The following TBX18 variants were observed in gnomAD, a reference collection of about 807,000 sequenced individuals.
The protein encoded by TBX18 is T-box transcription factor 18, also known as T-box transcription factor TBX18.
A neutral mutation model predicts 55.0 loss-of-function variants in TBX18; 21 were observed. The observed-to-expected ratio is 0.38, with a 90% CI of 0.27 to 0.55. The LOEUF (loss-of-function observed/expected upper bound fraction) is 0.55. TBX18 is among the 20% of genes least tolerant of loss of function. The pLI is 0.73. For synonymous variants in TBX18, 342 were observed against 326.1 expected (o/e 1.05, Z -0.53); for missense variants, 840 against 799.6 (o/e 1.05, Z -0.61).
chr6:84,736,650 G>A lies in TBX18; in HGVS notation c.*35C>T. 6.7e-7 allele frequency: 1 copy of A among 1,492,276 alleles called. No homozygotes were observed. The highest frequency in any genetic ancestry group is 8.9e-7 in the Non-Finnish European group (1 of 1,122,102). 92.4% of individuals were successfully genotyped at this position (1,492,276 alleles called of 1,614,324 possible). ...TAAAAAAGAAAAAGAAAATATGTTAGACAGATCCAAATGTCATTTAACTTA... is the reference window on the plus strand; with the variant it reads ...TAAAAAAGAAAAAGAAAATATGTTAAACAGATCCAAATGTCATTTAACTTA... On this transcript the variant is annotated 3_prime_UTR_variant, in exon 8 of 8. Transcript: ENST00000369663.
At chr6:84,744,069 A>G (rs1197376807) in intron 6 of TBX18, among the ~76,000 whole-genome samples, 192 bp downstream of exon 6, 1 of 152,214 alleles carries the variant, frequency 6.6e-6, no homozygotes, top group Non-Finnish European at 1.5e-5. Context: ...AGCAGCGCAC[A>G]TGAACATTCA....
At chr6:84,761,773 C>T (rs1479352960) in intron 2 of TBX18, among the ~76,000 whole-genome samples, 1 of 152,122 alleles carries the variant, frequency 6.6e-6, no homozygotes, top group African/African-American at 2.4e-5. Flanking sequence ...ATTTTACTAA[C>T]CAATGGATGG....
intron 5 of TBX18, among the ~76,000 whole-genome samples, chr6:84,746,496 T>C (rs931808898): frequency 2.1e-4 from 31 of 146,720 alleles, no homozygotes; most frequent in Admixed American, 8.2e-4. Context: ...ATTTATATAT[T>C]TATATTGATA....
intron 4 of TBX18, among the ~76,000 whole-genome samples, chr6:84,753,722 A>G (rs910796607): frequency 2.0e-5 from 3 of 152,230 alleles, no homozygotes; most frequent in African/African-American, 7.2e-5. Context: ...AATTCCTAAT[A>G]TTTAATCTAG....
Position 84,748,020 on chromosome 6 carries a change from T to A in TBX18, c.839A>T (p.Asp280Val). 1.2e-6 allele frequency: 2 copies of A among 1,613,568 alleles called. No homozygotes were observed. Among genetic ancestry groups the A allele is most frequent in the Admixed American group, 1.7e-5 (1 of 59,992 alleles). ...TGGAACAGGCTTGATGGGAGAAAGATCGTCTCCACAGTCTTTACGGATGAC... is the reference window on the plus strand; with the variant it reads ...TGGAACAGGCTTGATGGGAGAAAGAACGTCTCCACAGTCTTTACGGATGAC... ...VHVIRKDCGD[D>V]LSPIKPVPSG... is the part of the protein sequence containing the mutation. Residue 280 changes from aspartate (D) to valine (V), a missense_variant, in exon 5 of 8, where the codon GAT becomes GTT. Physicochemically the swap from Asp to Val is radical, Grantham distance 152 (BLOSUM62 -3). Transcript: ENST00000369663.
At position 84,756,812 on chromosome 6, in the gene TBX18, T is replaced by C; in HGVS notation, c.657A>G (p.Pro219=). 6.2e-7 allele frequency: 1 copy of C among 1,614,046 alleles called. No homozygotes were observed. The highest frequency in any genetic ancestry group is 8.5e-7 in the Non-Finnish European group (1 of 1,180,006). Residue 219 remains proline (P), a synonymous_variant, in exon 4 of 8, where the codon CCA becomes CCG. Transcript: ENST00000369663. ...MVAGNADSPV[P]PRVYIHPDSP... ...AGTCTGGATGAATGTACACACGGGG[T>C]GGCACAGGCGAGTCAGCATTACCTG...
intron 4 of TBX18, among the ~76,000 whole-genome samples, chr6:84,748,807 A>G (rs1250462304): frequency 3.3e-5 from 5 of 152,214 alleles, no homozygotes; most frequent in Admixed American, 2.6e-4. Flanking sequence ...AATTCAGAAA[A>G]GCTTTTCATG....
At chr6:84,750,986 C>A (rs1286191010) in intron 4 of TBX18, among the ~76,000 whole-genome samples, 1 of 152,190 alleles carries the variant, frequency 6.6e-6, no homozygotes, top group African/African-American at 2.4e-5. Flanking sequence ...AGGGAGAACC[C>A]TTCCTCTTCT....
In TBX18 at chr6:84,735,702, A is replaced by G. The variant is rs1773919898; in HGVS notation, c.*983T>C. ...ATATACTATCGGTCAGGAAGCTCAG[A>G]GCAAGATGGAAAAAATATTCTAAAT... On this transcript the variant is annotated 3_prime_UTR_variant, in exon 8 of 8. Transcript: ENST00000369663. 3 of 152,216 alleles carry G rather than the reference A, an allele frequency of 2.0e-5. No individual in the cohort carries two copies. Among genetic ancestry groups the G allele is most frequent in the Admixed American group, 1.3e-4 (2 of 15,282 alleles). The allele number at this position is 152,216 out of a possible 1,614,324, so 9.4% of individuals were successfully genotyped here.
Position 84,754,426 on chromosome 6 carries a change from C to T in TBX18, c.771+2272G>A, listed in dbSNP as rs185760766. Among the ~76,000 whole-genome samples, 11 of 152,328 alleles carry T rather than the reference C, an allele frequency of 7.2e-5. No individual in the cohort carries two copies. The East Asian group carries it at 2.1e-3, about 29-fold the overall frequency. On this transcript the variant is annotated intron_variant, in intron 4 of 7. Transcript: ENST00000369663. ...TTGTACAAGTACATCTCTCTCCCTG[C>T]TCCCCACATGTTAATGTACCTGTAT...
At chr6:84,744,219 A>T (rs763263311) in intron 6 of TBX18, 42 bp downstream of exon 6, 1 of 1,511,980 alleles carries the variant, frequency 6.6e-7, no homozygotes, top group Non-Finnish European at 9.0e-7. Context: ...TAAAATATCA[A>T]ATATATTTAT....
Position 84,764,308 on chromosome 6 carries a change from A to C in TBX18, c.-127T>G. On this transcript the variant is annotated 5_prime_UTR_variant, in exon 1 of 8. Coordinates refer to ENST00000369663, the MANE Select transcript of TBX18 (RefSeq NM_001080508.3). ...CCTCCCGAGATCTGCCCCCTTCCCCACCGCGGGCAAAAAACAGATTTGGCG... is the reference window on the plus strand; with the variant it reads ...CCTCCCGAGATCTGCCCCCTTCCCCCCCGCGGGCAAAAAACAGATTTGGCG... The C allele has an allele frequency of 2.9e-5, 34 of 1,184,818 alleles. No individual in the cohort carries two copies. Among genetic ancestry groups the C allele is most frequent in the Non-Finnish European group, 3.5e-5 (32 of 917,336 alleles). The allele number at this position is 1,184,818 out of a possible 1,614,324, so 73.4% of individuals were successfully genotyped here.
chr6:84,744,157 C>T (rs1479927663), intron 6 of TBX18, 104 bp downstream of exon 6: 3 of 1,043,052 alleles, frequency 2.9e-6, no homozygotes, highest in Non-Finnish European at 4.2e-6. Flanking sequence ...GAAATGATTT[C>T]AATATCGTAT....
Position 84,736,900 on chromosome 6 carries a change from A to G in TBX18, c.1609T>C (p.Ser537Pro), listed in dbSNP as rs1486160834. Residue 537 changes from serine to proline, a missense_variant, in exon 8 of 8, where the codon TCC becomes CCC. By Grantham distance (74) the Ser-to-Pro change is moderately conservative. Coordinates refer to ENST00000369663, the MANE Select transcript of TBX18 (RefSeq NM_001080508.3). ...CALYGYNFST[S>P]PKLAASPEKI... ...TCAGGACTGGCAGCCAGTTTGGGGG[A>G]TGTGGAGAAGTTATATCCATATAGT... is the stretch of plus-strand genomic sequence containing the variant. 1 of 1,613,052 alleles carries G rather than the reference A, an allele frequency of 6.2e-7. No homozygotes were observed. The highest frequency in any genetic ancestry group is 1.1e-5 in the South Asian group (1 of 90,784).
In TBX18 at chr6:84,736,560, G is replaced by C. The variant is rs1440149021; in HGVS notation, c.*125C>G. On this transcript the variant is annotated 3_prime_UTR_variant, in exon 8 of 8. Transcript: ENST00000369663. ...CCATGATAAAGTCAAAAAACCCAGT[G>C]AGCCTTCATTTTCTATTATATGTAC... 6.9e-6 allele frequency: 8 copies of C among 1,155,816 alleles called. No homozygotes were observed. In the Admixed American group the frequency reaches 1.3e-4, roughly 19 times the overall value. The allele number at this position is 1,155,816 out of a possible 1,614,324, so 71.6% of individuals were successfully genotyped here.
At position 84,756,887 on chromosome 6, in the gene TBX18, G is replaced by T; in HGVS notation, c.600-18C>A. ...AAACATACCTAGAAGGCAATGACCA[G>T]GCGTTCAGTATACTGTTTTTATCTT... On this transcript the variant is annotated intron_variant, in intron 3 of 7. Coordinates refer to ENST00000369663, the MANE Select transcript of TBX18 (RefSeq NM_001080508.3). The T allele has an allele frequency of 6.2e-7, 1 of 1,612,828 alleles. No individual in the cohort carries two copies. Among genetic ancestry groups the T allele is most frequent in the Non-Finnish European group, 8.5e-7 (1 of 1,179,122 alleles).
intron 5 of TBX18, among the ~76,000 whole-genome samples, chr6:84,747,098 A>G (rs1767216656): frequency 6.6e-6 from 1 of 151,986 alleles, no homozygotes; most frequent in African/African-American, 2.4e-5. Flanking sequence ...CAACAGAGAG[A>G]TTTAAAAGCC....
At chr6:84,759,395 C>G (rs181564762) in intron 3 of TBX18, among the ~76,000 whole-genome samples, 11 of 152,160 alleles carry the variant, frequency 7.2e-5, no homozygotes, top group Admixed American at 5.9e-4. Context: ...CATGCAACAA[C>G]AAAAAGCGAG....
At chr6:84,756,652 T>TCTCG in intron 4 of TBX18, 46 bp downstream of exon 4, 1 of 1,563,088 alleles carries the variant, frequency 6.4e-7, no homozygotes, top group Admixed American at 1.7e-5. Context: ...ACAGTGTAGA[T>TCTCG]GTGGCTGTGC....
Sources: allele counts gnomAD v4.1 joint callset (sites outside exome capture counted in the v4.1 genomes callset), GRCh38; gene constraint gnomAD v4.1.1; transcripts MANE v1.5; gene names NCBI Gene and HGNC (gene_info 2026-07-23, HGNC 2026-07-21).